SLC25A48: variants seen among roughly 807,000 people sequenced by gnomAD.
The protein encoded by SLC25A48 is CTC-321K16.1.
SLC25A48 carries 29 observed loss-of-function variants against 32.2 expected under a neutral mutation model. The ratio of observed to expected loss-of-function variants is 0.90; its 90% CI spans 0.67 to 1.23. The LOEUF is 1.23. SLC25A48 is among the 50% of genes most tolerant of loss of function. The pLI is 0.00. For missense variants in SLC25A48, 399 were observed against 422.7 expected (o/e 0.94, Z 0.49); for synonymous variants, 164 against 172.3 (o/e 0.95, Z 0.38).
chr5:135,721,192 C>CTTTTTTTTTTTT lies in SLC25A48; in HGVS notation c.-521+86254_-521+86265dup, dbSNP rs757412641. Among the ~76,000 whole-genome samples, 72 of 53,882 alleles carry CTTTTTTTTTTTT rather than the reference C, an allele frequency of 1.3e-3. 3 individuals are homozygous for CTTTTTTTTTTTT. The highest frequency in any genetic ancestry group is 2.2e-3 in the Non-Finnish European group (51 of 23,716). 35.3% of individuals were successfully genotyped at this position (53,882 alleles called of 152,430 possible). ...GAGTAGCTGGGACACCATGCCTGGC[C>CTTTTTTTTTTTT]TTTTTTTTTTTTTTTTTTTTTTTTT... On this transcript the variant is annotated intron_variant, in intron 3 of 10. Transcript: ENST00000646290.
intron 3 of SLC25A48, among the ~76,000 whole-genome samples, chr5:135,779,038 T>C (rs1490620887): frequency 6.6e-6 from 1 of 151,912 alleles, no homozygotes; most frequent in African/African-American, 2.4e-5. Flanking sequence ...CAAAAGATGA[T>C]ATTACTTCCA....
intron 3 of SLC25A48, among the ~76,000 whole-genome samples, chr5:135,639,505 G>A (rs1367556953): frequency 6.6e-6 from 1 of 152,200 alleles, no homozygotes; most frequent in Non-Finnish European, 1.5e-5. Flanking sequence ...TTGGCTGAGG[G>A]CTGCAGTGTT....
At chr5:135,693,828 T>C (rs1277588690) in intron 3 of SLC25A48, among the ~76,000 whole-genome samples, 2 of 152,218 alleles carry the variant, frequency 1.3e-5, no homozygotes, top group Admixed American at 6.5e-5. Flanking sequence ...GAATGAGGCC[T>C]GCTGGGTCCC....
chr5:135,680,072 G>A (rs1331056983), intron 3 of SLC25A48, among the ~76,000 whole-genome samples: 2 of 152,124 alleles, frequency 1.3e-5, no homozygotes, highest in South Asian at 2.1e-4. Context: ...AGCCAAGCAG[G>A]CTGCCTCGCT....
chr5:135,744,878 C>A lies in SLC25A48; in HGVS notation c.-520-67645C>A, dbSNP rs186926189. ...CCAGCATAATGAAACCCTGTCTCTA[C>A]TAAAACTACAAAAATTAGCCAGGAG... On this transcript the variant is annotated intron_variant, in intron 3 of 10. Transcript: ENST00000646290. 3.3e-5 allele frequency among the ~76,000 whole-genome samples: 5 copies of A among 152,148 alleles called. No individual in the cohort carries two copies. In the East Asian group the frequency reaches 9.8e-4, roughly 30 times the overall value.
At chr5:135,680,296 C>T (rs1245165169) in intron 3 of SLC25A48, among the ~76,000 whole-genome samples, 1 of 152,256 alleles carries the variant, frequency 6.6e-6, no homozygotes, top group East Asian at 1.9e-4. Flanking sequence ...GGTATATGTT[C>T]TCTGATATTC....
At chr5:135,840,423 A>G (rs1758895018) in intron 1 of SLC25A48, among the ~76,000 whole-genome samples, 1 of 152,230 alleles carries the variant, frequency 6.6e-6, no homozygotes, top group Admixed American at 6.5e-5. Context: ...TTGAGCTGAA[A>G]TTAATATAAT....
chr5:135,857,040 G>A (rs1760382878), intron 4 of SLC25A48, among the ~76,000 whole-genome samples: 1 of 152,240 alleles, frequency 6.6e-6, no homozygotes, highest in East Asian at 1.9e-4. Context: ...GGAGGAAATG[G>A]GGGTAGCTTT....
intron 1 of SLC25A48, among the ~76,000 whole-genome samples, chr5:135,837,191 T>G (rs531832601): frequency 1.3e-5 from 2 of 151,944 alleles, no homozygotes; most frequent in Non-Finnish European, 2.9e-5. Context: ...GGGGAAGCCA[T>G]GGAGCCTGAG....
intron 3 of SLC25A48, among the ~76,000 whole-genome samples, chr5:135,752,684 C>T (rs2127009799): frequency 6.6e-6 from 1 of 152,166 alleles, no homozygotes; most frequent in South Asian, 2.1e-4. Context: ...AGGGTGTACA[C>T]CCAAAGTGAT....
chr5:135,835,223 C>CTGGT (rs1303040684), intron 1 of SLC25A48: 1 of 562,572 alleles, frequency 1.8e-6, no homozygotes, highest in Admixed American at 2.2e-5. Context: ...CTTCAGTGAC[C>CTGGT]TGGTGCACAC....
intron 3 of SLC25A48, among the ~76,000 whole-genome samples, chr5:135,644,900 G>A (rs1057360871): frequency 6.6e-6 from 1 of 152,126 alleles, no homozygotes; most frequent in African/African-American, 2.4e-5. Context: ...GTTGACTTCT[G>A]AGCTGGGCTT....
chr5:135,834,840 C>G lies in SLC25A48; in HGVS notation c.-8C>G, dbSNP rs568781610. 65 of 1,594,150 alleles carry G rather than the reference C, an allele frequency of 4.1e-5. 2 individuals are homozygous for G. In the South Asian group the frequency reaches 6.3e-4, roughly 15 times the overall value. ...CCGGCTCCGGGAGGGCGAGACCGAG[C>G]GCCGGCCATGGGAAGCTTCCAGCTG... On this transcript the variant is annotated 5_prime_UTR_variant, in exon 1 of 8. Transcript: ENST00000681962.
chr5:135,682,957 C>T (rs1027150286), intron 3 of SLC25A48, among the ~76,000 whole-genome samples: 2 of 152,152 alleles, frequency 1.3e-5, no homozygotes, highest in Non-Finnish European at 2.9e-5. Context: ...TATGAGAACT[C>T]ATTTTATGGC....
At chr5:135,736,148 A>T (rs192331134) in intron 3 of SLC25A48, among the ~76,000 whole-genome samples, 29 of 152,222 alleles carry the variant, frequency 1.9e-4, no homozygotes, top group African/African-American at 6.5e-4. Flanking sequence ...GTTGGGACTG[A>T]GGGGACAGGC....
chr5:135,699,224 G>A (rs1446320669), intron 3 of SLC25A48, among the ~76,000 whole-genome samples: 1 of 152,188 alleles, frequency 6.6e-6, no homozygotes, highest in Non-Finnish European at 1.5e-5. Context: ...ATACAGGAAT[G>A]TTTATAGCAA....
At chr5:135,613,649 A>G (rs190871923) in intron 1 of SLC25A48, among the ~76,000 whole-genome samples, 141 of 152,244 alleles carry the variant, frequency 9.3e-4, no homozygotes, top group Admixed American at 5.2e-3. Context: ...TATCCAGTCT[A>G]TGGATCTATG....
chr5:135,675,576 C>T (rs1158560875), intron 3 of SLC25A48, among the ~76,000 whole-genome samples: 1 of 152,036 alleles, frequency 6.6e-6, no homozygotes, highest in East Asian at 1.9e-4. Context: ...TGTTTTTATA[C>T]TAATACCATG....
chr5:135,677,797 T>A (rs2126947419), intron 3 of SLC25A48, among the ~76,000 whole-genome samples: 1 of 152,312 alleles, frequency 6.6e-6, no homozygotes, highest in Admixed American at 6.5e-5. Flanking sequence ...GCTACAATAT[T>A]GTTGTGTGGC....
Sources: gnomAD v4.1 joint callset for allele counts (sites outside exome capture counted in the v4.1 genomes callset) on GRCh38, gnomAD v4.1.1 for gene constraint, MANE v1.5 for transcripts, NCBI Gene and HGNC (gene_info 2026-07-23, HGNC 2026-07-21) for gene names.